FAM185A: variants seen among roughly 807,000 people sequenced by gnomAD.
FAM185A encodes the protein family with sequence similarity 185 member A, also known as protein FAM185A.
In FAM185A, 21 loss-of-function variants were observed where a neutral mutation model predicts 45.7. The observed-to-expected ratio is 0.46, with a 90% CI of 0.33 to 0.66. The LOEUF (loss-of-function observed/expected upper bound fraction) is 0.66. Ranked by LOEUF, FAM185A falls within the 30% of genes least tolerant of loss-of-function variation. The pLI is 0.03. For synonymous variants in FAM185A, 117 were observed against 194.0 expected, an observed-to-expected ratio of 0.60 and a Z score of 3.30; for missense variants, 305 against 485.4, an observed-to-expected ratio of 0.63 and a Z score of 3.49.
chr7:102,812,134 G>A (rs1797468949), downstream of FAM185A, among the ~76,000 whole-genome samples: 1 of 152,206 alleles, frequency 6.6e-6, no homozygotes, highest in Non-Finnish European at 1.5e-5. Context: ...GACAAGGCTT[G>A]TTTGCGGCAG....
At chr7:102,781,336 T>C (rs1584322500) in intron 6 of FAM185A, among the ~76,000 whole-genome samples, 1 of 152,202 alleles carries the variant, frequency 6.6e-6, no homozygotes, top group Admixed American at 6.5e-5. Flanking sequence ...AGCATGCAGC[T>C]GGACATCTGA....
At chr7:102,811,058 G>C (rs183348164), downstream of FAM185A, among the ~76,000 whole-genome samples, 1,047 of 152,248 alleles carry the variant, frequency 6.9e-3, 8 homozygotes, top group Non-Finnish European at 7.4e-3. Flanking sequence ...GTATGGTTGT[G>C]GTGTGTTATA....
intron 5 of FAM185A, among the ~76,000 whole-genome samples, chr7:102,776,712 A>AG (rs1554372724): frequency 6.6e-6 from 1 of 151,336 alleles, no homozygotes; most frequent in Non-Finnish European, 1.5e-5. Flanking sequence ...TAAAAAAAAA[A>AG]AAAAAAAGAA....
the FAM185A span, chr7:102,827,224 G>A: frequency 0.2 from 85,677 of 439,252 alleles, 10,120 homozygotes; most frequent in East Asian, 0.43. Context: ...GGATGAGACC[G>A]CATGAAGCAG....
the FAM185A span, among the ~76,000 whole-genome samples, chr7:102,826,769 A>ATATATGTATG: frequency 3.0e-5 from 3 of 100,740 alleles, no homozygotes; most frequent in Admixed American, 2.4e-4. Context: ...ATATATATAT[A>ATATATGTATG]TATGTATATA....
At chr7:102,813,192 T>C, downstream of FAM185A, 2 of 739,618 alleles carry the variant, frequency 2.7e-6, no homozygotes, top group Non-Finnish European at 4.3e-6. Flanking sequence ...CTGATGTGTT[T>C]GGAAATATTT....
At chr7:102,833,053 G>T in the FAM185A span, 7 of 1,451,346 alleles carry the variant, frequency 4.8e-6, no homozygotes, top group Non-Finnish European at 6.6e-6. Flanking sequence ...CTTATTAAAT[G>T]TACATTTCAG....
chr7:102,829,539 G>A, the FAM185A span, among the ~76,000 whole-genome samples: 2 of 152,084 alleles, frequency 1.3e-5, no homozygotes, highest in African/African-American at 4.8e-5. Context: ...ACTTCACGTC[G>A]GTCATGAGGG....
At chr7:102,779,080 C>A (rs1290431894) in intron 6 of FAM185A, among the ~76,000 whole-genome samples, 1 of 152,190 alleles carries the variant, frequency 6.6e-6, no homozygotes, top group African/African-American at 2.4e-5. Context: ...GACTTTTCTA[C>A]TTAACATTTT....
intron 4 of FAM185A, among the ~76,000 whole-genome samples, chr7:102,770,231 A>C (rs1340457175): frequency 4.7e-5 from 7 of 149,596 alleles, no homozygotes; most frequent in Admixed American, 4.7e-4. Flanking sequence ...CAAACTTTTT[A>C]TTTGTTCACA....
chr7:102,828,607 T>C, the FAM185A span, among the ~76,000 whole-genome samples: 61 of 152,348 alleles, frequency 4.0e-4, no homozygotes, highest in African/African-American at 1.4e-3. Flanking sequence ...TTCATGCCTT[T>C]CCACTCCTAA....
chr7:102,807,523 C>G (rs1797192327), intron 7 of FAM185A, among the ~76,000 whole-genome samples: 1 of 151,658 alleles, frequency 6.6e-6, no homozygotes, highest in Admixed American at 6.6e-5. Flanking sequence ...GGATGCTCAA[C>G]TAGTATGTCT....
chr7:102,765,529 G>A (rs1285080570), intron 4 of FAM185A, among the ~76,000 whole-genome samples: 2 of 151,630 alleles, frequency 1.3e-5, no homozygotes, highest in Admixed American at 6.6e-5. Flanking sequence ...TACTAGTGCC[G>A]AGTACTTAGA....
intron 4 of FAM185A, among the ~76,000 whole-genome samples, chr7:102,764,146 T>G (rs1195678360): frequency 2.0e-5 from 3 of 151,568 alleles, no homozygotes; most frequent in Non-Finnish European, 4.4e-5. Context: ...CAGAAGTAAC[T>G]GTAGAAAAGC....
chr7:102,756,096 C>T (rs117315933), intron 2 of FAM185A, among the ~76,000 whole-genome samples: 2,900 of 151,822 alleles, frequency 0.019, 49 homozygotes, highest in Non-Finnish European at 0.03. Context: ...CTGGGCATAA[C>T]GTAGTTAACC....
At chr7:102,817,882 C>T in the FAM185A span, among the ~76,000 whole-genome samples, 1 of 152,270 alleles carries the variant, frequency 6.6e-6, no homozygotes, top group South Asian at 2.1e-4. Context: ...AACCAATCTG[C>T]TGCAATGGTT....
the FAM185A span, among the ~76,000 whole-genome samples, chr7:102,841,582 C>G: frequency 6.6e-6 from 1 of 152,174 alleles, no homozygotes; most frequent in Non-Finnish European, 1.5e-5. Context: ...ACCTTACAGA[C>G]AATGGGAAAC....
At chr7:102,755,206 A>C in intron 2 of FAM185A, 2 of 451,082 alleles carry the variant, frequency 4.4e-6, no homozygotes, top group South Asian at 4.3e-5. Flanking sequence ...TTTTGTGAAG[A>C]AGCAGGAGGC....
the FAM185A span, among the ~76,000 whole-genome samples, chr7:102,847,183 A>C: frequency 2.0e-5 from 3 of 151,688 alleles, no homozygotes; most frequent in Admixed American, 2.0e-4. Context: ...AACAGAAACT[A>C]CCTGACCCTT....
Sources: allele counts gnomAD v4.1 joint callset (sites outside exome capture counted in the v4.1 genomes callset), GRCh38; gene constraint gnomAD v4.1.1; transcripts MANE v1.5; gene names NCBI Gene and HGNC (gene_info 2026-07-23, HGNC 2026-07-21).